The following MATCAP1 variants were observed in gnomAD, a reference collection of about 807,000 sequenced individuals.
MATCAP1 encodes the protein microtubule associated tyrosine carboxypeptidase 1.
chr16:67,182,021 C>T, the MATCAP1 span, among the ~76,000 whole-genome samples: 1 of 152,102 alleles, frequency 6.6e-6, no homozygotes, highest in South Asian at 2.1e-4. Flanking sequence ...GAGGCCGAGG[C>T]GGGCGGATCA....
At chr16:67,177,792 C>T in the MATCAP1 span, among the ~76,000 whole-genome samples, 1 of 152,236 alleles carries the variant, frequency 6.6e-6, no homozygotes, top group Non-Finnish European at 1.5e-5. Flanking sequence ...TGCTCATCTC[C>T]TTTGAGATGC....
the MATCAP1 span, chr16:67,179,131 G>A: frequency 1.6e-6 from 2 of 1,218,588 alleles, no homozygotes; most frequent in East Asian, 9.5e-5. The surrounding 1 kb of genome is among the most constrained non-coding windows in gnomAD (Gnocchi z 5.2). Flanking sequence ...TCTCTGGCCG[G>A]TCAGGGCCTG....
At chr16:67,176,464 C>G in the MATCAP1 span, 3 of 198,470 alleles carry the variant, frequency 1.5e-5, no homozygotes, top group African/African-American at 7.0e-5. This position sits in a 1 kb window ranked among gnomAD's most constrained non-coding sequence, Gnocchi z 4.3. Context: ...CTGGGACAAC[C>G]AAAGCCATCT....
chr16:67,176,514 C>A, the MATCAP1 span: 1 of 318,490 alleles, frequency 3.1e-6, no homozygotes, highest in Non-Finnish European at 5.7e-6. This position sits in a 1 kb window ranked among gnomAD's most constrained non-coding sequence, Gnocchi z 4.3. Context: ...CACCCCCATC[C>A]CCATCAATGC....
the MATCAP1 span, among the ~76,000 whole-genome samples, chr16:67,177,549 C>T: frequency 6.6e-6 from 1 of 152,236 alleles, no homozygotes; most frequent in Admixed American, 6.5e-5. Context: ...CGTGCCCCTG[C>T]ACTCCCTTCC....
the MATCAP1 span, chr16:67,177,994 GTCCACAGCCCC>G: frequency 9.9e-6 from 16 of 1,609,134 alleles, no homozygotes; most frequent in Non-Finnish European, 1.4e-5. Flanking sequence ...ACCTCTGAAG[GTCCACAGCCCC>G]TCACCTTGCC....
chr16:67,176,515 C>T, the MATCAP1 span: 1 of 320,820 alleles, frequency 3.1e-6, no homozygotes, highest in East Asian at 5.1e-5. The surrounding 1 kb of genome is among the most constrained non-coding windows in gnomAD (Gnocchi z 4.3). Context: ...ACCCCCATCC[C>T]CATCAATGCT....
chr16:67,178,474 G>T, the MATCAP1 span: 1 of 1,531,750 alleles, frequency 6.5e-7, no homozygotes, highest in Admixed American at 2.0e-5. Context: ...CGGCTGGCGC[G>T]CGTTGTTCAC....
At chr16:67,181,931 T>C in the MATCAP1 span, among the ~76,000 whole-genome samples, 405 of 152,314 alleles carry the variant, frequency 2.7e-3, no homozygotes, top group Non-Finnish European at 5.1e-3. Flanking sequence ...ACCTTCATAT[T>C]GATCAGCACC....
At chr16:67,177,766 C>T in the MATCAP1 span, among the ~76,000 whole-genome samples, 1 of 152,236 alleles carries the variant, frequency 6.6e-6, no homozygotes, top group East Asian at 1.9e-4. Flanking sequence ...TTCCTGATCA[C>T]TCCCTTGGCC....
chr16:67,179,494 T>C, the MATCAP1 span: 1 of 1,613,038 alleles, frequency 6.2e-7, no homozygotes, highest in Non-Finnish European at 8.5e-7. The surrounding 1 kb of genome is among the most constrained non-coding windows in gnomAD (Gnocchi z 5.2). Flanking sequence ...TGATCGCCAA[T>C]GTGGGCCGGC....
At chr16:67,180,943 C>A in the MATCAP1 span, among the ~76,000 whole-genome samples, 1 of 152,170 alleles carries the variant, frequency 6.6e-6, no homozygotes, top group African/African-American at 2.4e-5. Flanking sequence ...CTCATTGCAG[C>A]CTCCAACTCC....
chr16:67,179,824 G>A, the MATCAP1 span: 149 of 1,614,174 alleles, frequency 9.2e-5, no homozygotes, highest in African/African-American at 1.4e-3. This position sits in a 1 kb window ranked among gnomAD's most constrained non-coding sequence, Gnocchi z 5.2. Flanking sequence ...CCTCCCCAGC[G>A]CAGCCCTCCT....
the MATCAP1 span, chr16:67,180,647 A>G: frequency 7.0e-7 from 1 of 1,424,548 alleles, no homozygotes; most frequent in African/African-American, 1.4e-5. Flanking sequence ...GGTCACTCCA[A>G]CTCCCCACAC....
At chr16:67,179,967 G>A in the MATCAP1 span, 8 of 1,614,014 alleles carry the variant, frequency 5.0e-6, no homozygotes, top group African/African-American at 4.0e-5. The surrounding 1 kb of genome is among the most constrained non-coding windows in gnomAD (Gnocchi z 5.2). Flanking sequence ...GCCTGTACAC[G>A]GGGCCACAGT....
At chr16:67,178,319 C>T in the MATCAP1 span, 5 of 1,582,472 alleles carry the variant, frequency 3.2e-6, no homozygotes, top group South Asian at 1.2e-5. Context: ...ATGCGCGCGG[C>T]GCGGTGGATG....
chr16:67,178,254 C>T, the MATCAP1 span: 1 of 1,564,506 alleles, frequency 6.4e-7, no homozygotes, highest in African/African-American at 1.4e-5. Flanking sequence ...ACTCCCAGCG[C>T]ACATCGGCGT....
At chr16:67,182,174 G>A in the MATCAP1 span, among the ~76,000 whole-genome samples, 11 of 151,830 alleles carry the variant, frequency 7.2e-5, no homozygotes, top group South Asian at 4.2e-4. Flanking sequence ...GCTTGAACCC[G>A]GGAGGCGGAG....
At chr16:67,180,390 C>T in the MATCAP1 span, 10 of 1,612,668 alleles carry the variant, frequency 6.2e-6, no homozygotes, top group Admixed American at 6.7e-5. Flanking sequence ...CATGTGGCCA[C>T]GGTGGCCCAG....
Sources: gnomAD v4.1 joint callset for allele counts (sites outside exome capture counted in the v4.1 genomes callset) on GRCh38, gnomAD v4.1.1 for gene constraint, Gnocchi (gnomAD v3.1) non-coding constraint, MANE v1.5 for transcripts, NCBI Gene and HGNC (gene_info 2026-07-23, HGNC 2026-07-21) for gene names.